The following COBLL1 variants were observed in gnomAD, a reference collection of about 807,000 sequenced individuals.
COBLL1 encodes the protein cordon-bleu protein-like 1.
Under a neutral mutation model 94.8 loss-of-function variants are expected in COBLL1, and 50 were observed. The observed-to-expected ratio is 0.53, with a 90% CI of 0.42 to 0.67. The LOEUF is 0.67. Ranked by LOEUF, COBLL1 falls within the 30% of genes least tolerant of loss-of-function variation. The probability of loss-of-function intolerance (pLI) is 0.00; values close to 1 mark genes in which losing one functional copy is unlikely to be tolerated. For synonymous variants in COBLL1, 448 were observed against 473.8 expected (o/e 0.95, Z 0.71); for missense variants, 1,362 against 1,348.7 (o/e 1.01, Z -0.15).
At chr2:164,770,413 G>C (rs1487710402) in intron 2 of COBLL1, among the ~76,000 whole-genome samples, 1 of 151,872 alleles carries the variant, frequency 6.6e-6, no homozygotes, top group African/African-American at 2.4e-5. Flanking sequence ...AAAACCATTA[G>C]CTATATGCAT....
At chr2:164,674,827 A>G (rs1691309485) in intron 1 of COBLL1, among the ~76,000 whole-genome samples, 1 of 152,214 alleles carries the variant, frequency 6.6e-6, no homozygotes, top group Non-Finnish European at 1.5e-5. Context: ...TGCTATTGCA[A>G]CCAAGGGAAG....
At chr2:164,704,894 CT>C in intron 8 of COBLL1, 57 bp downstream of exon 8, 1 of 1,447,860 alleles carries the variant, frequency 6.9e-7, no homozygotes, top group East Asian at 2.4e-5. Context: ...ATCTTTCCTA[CT>C]GTCCATATTA....
chr2:164,664,001 T>C (rs1254996570), intron 2 of COBLL1, among the ~76,000 whole-genome samples: 1 of 152,242 alleles, frequency 6.6e-6, no homozygotes, highest in Admixed American at 6.5e-5. Context: ...TTTACTAAAA[T>C]GTATAATCTT....
intron 11 of COBLL1, chr2:164,697,477 T>G (rs1435890670): frequency 6.6e-6 from 1 of 152,158 alleles, no homozygotes; most frequent in East Asian, 1.9e-4. Flanking sequence ...TGAACAGTTA[T>G]AAGCATGAAA....
At chr2:164,739,484 A>G (rs923558975) in intron 3 of COBLL1, among the ~76,000 whole-genome samples, 3 of 152,248 alleles carry the variant, frequency 2.0e-5, no homozygotes, top group Admixed American at 1.3e-4. Context: ...ACTGAGGCAT[A>G]TAAGTTTCTG....
In COBLL1 at chr2:164,725,101, G is replaced by GATATATAT. The variant is rs760164549; in HGVS notation, c.662-2587_662-2580dup. On this transcript the variant is annotated intron_variant, in intron 5 of 13. Coordinates refer to ENST00000652658, the MANE Select transcript of COBLL1 (RefSeq NM_001365672.2). ...GAAGATGCTAGCATTTACCCTGCAGGATATATATATATATATATATATATA... is the reference window on the plus strand; with the variant it reads ...GAAGATGCTAGCATTTACCCTGCAGGATATATATATATATATATATATATATATATATA... 4.6e-3 allele frequency: 350 copies of GATATATAT among 76,238 alleles called. 1 individual carries two copies. Among genetic ancestry groups the GATATATAT allele is most frequent in the East Asian group, 8.2e-3 (29 of 3,518 alleles). The allele number at this position is 76,238 out of a possible 1,614,324, so 4.7% of individuals were successfully genotyped here. A position where few individuals can be genotyped will look rare whatever the true frequency, so the allele number is the denominator to read the frequency against.
intron 7 of COBLL1, 93 bp from the exon 8 acceptor site, chr2:164,705,198 A>T: frequency 1.1e-6 from 1 of 951,086 alleles, no homozygotes; most frequent in Non-Finnish European, 1.5e-6. Flanking sequence ...CACAGGATAT[A>T]TCCAAATGGA....
At chr2:164,779,433 A>G (rs1688633297) in intron 2 of COBLL1, among the ~76,000 whole-genome samples, 1 of 152,072 alleles carries the variant, frequency 6.6e-6, no homozygotes, top group African/African-American at 2.4e-5. Flanking sequence ...TGCTCCCTTC[A>G]GCCTTAAGAA....
chr2:164,794,337 C>T (rs1185756373), intron 2 of COBLL1, among the ~76,000 whole-genome samples: 1 of 152,082 alleles, frequency 6.6e-6, no homozygotes, highest in African/African-American at 2.4e-5. Context: ...TGTCTAAATG[C>T]TCTGTGTTAA....
chr2:164,748,032 TGG>T (rs1367182498), intron 2 of COBLL1, among the ~76,000 whole-genome samples: 2 of 151,954 alleles, frequency 1.3e-5, no homozygotes, highest in Non-Finnish European at 2.9e-5. Context: ...CAGCTGTGTG[TGG>T]TGGGGAGCAG....
At chr2:164,708,833 T>A (rs17185226) in intron 7 of COBLL1, among the ~76,000 whole-genome samples, 11,044 of 152,258 alleles carry the variant, frequency 0.073, 568 homozygotes, top group South Asian at 0.13. Flanking sequence ...TTCCCTTGTT[T>A]CAACTGATTG....
chr2:164,724,201 CA>C (rs1297274025), intron 5 of COBLL1: 1 of 152,140 alleles, frequency 6.6e-6, no homozygotes, highest in Non-Finnish European at 1.5e-5. Flanking sequence ...CACCATTTTT[CA>C]AATCTTAATT....
intron 3 of COBLL1, among the ~76,000 whole-genome samples, chr2:164,731,346 T>C (rs1184905047): frequency 6.6e-6 from 1 of 152,248 alleles, no homozygotes; most frequent in African/African-American, 2.4e-5. Flanking sequence ...CTTATTTCTA[T>C]AGAAACTTTC....
rs933211242 is a variant in COBLL1, at chr2:164,695,855, C to A, written c.1556-19G>T. 1.3e-6 allele frequency: 2 copies of A among 1,518,564 alleles called. No individual in the cohort carries two copies. The highest frequency in any genetic ancestry group is 2.2e-5 in the Admixed American group (1 of 45,174). 94.1% of individuals were successfully genotyped at this position (1,518,564 alleles called of 1,614,324 possible). The stretch of plus-strand genomic sequence containing the variant: ...TGAACTACTGAGAGAAAAAAATCAT[C>A]AAGTTAAATATATGAAAGAAGTAGA... On this transcript the variant is annotated intron_variant, in intron 11 of 13. Coordinates refer to ENST00000652658, the MANE Select transcript of COBLL1 (RefSeq NM_001365672.2).
At chr2:164,829,726 T>C (rs1682969187) in intron 2 of COBLL1, among the ~76,000 whole-genome samples, 1 of 152,340 alleles carries the variant, frequency 6.6e-6, no homozygotes, top group Non-Finnish European at 1.5e-5. Context: ...TCCCAGATTT[T>C]CCAGTTTTAT....
At chr2:164,688,563 T>C (rs747655069) in intron 13 of COBLL1, among the ~76,000 whole-genome samples, 10 of 152,176 alleles carry the variant, frequency 6.6e-5, no homozygotes, top group Non-Finnish European at 1.3e-4. Context: ...TTGTCTACTC[T>C]TGAAGTTTAA....
chr2:164,803,324 G>C (rs1559031215), intron 2 of COBLL1, among the ~76,000 whole-genome samples: 1 of 152,086 alleles, frequency 6.6e-6, no homozygotes, highest in Non-Finnish European at 1.5e-5. Context: ...CCAGCACTTT[G>C]GGAGGCCGAG....
At chr2:164,691,177 T>TA (rs1683571834) in intron 13 of COBLL1, among the ~76,000 whole-genome samples, 1 of 152,150 alleles carries the variant, frequency 6.6e-6, no homozygotes, top group Non-Finnish European at 1.5e-5. Context: ...CTGTCACTCA[T>TA]ACCTCCTCAC....
chr2:164,701,338 C>G (rs1286019178), intron 9 of COBLL1, among the ~76,000 whole-genome samples: 1 of 152,170 alleles, frequency 6.6e-6, no homozygotes, highest in Non-Finnish European at 1.5e-5. Flanking sequence ...TATGCAACCT[C>G]AGTTAAAAGC....
Sources: gnomAD v4.1 joint callset for allele counts (sites outside exome capture counted in the v4.1 genomes callset) on GRCh38, gnomAD v4.1.1 for gene constraint, MANE v1.5 for transcripts, NCBI Gene and HGNC (gene_info 2026-07-23, HGNC 2026-07-21) for gene names.